PDSS2: variants seen among roughly 807,000 people sequenced by gnomAD.
PDSS2 encodes the protein decaprenyl diphosphate synthase subunit 2.
In PDSS2, 31 loss-of-function variants were observed where a neutral mutation model predicts 44.5. That is an observed-to-expected ratio of 0.70 (90% CI 0.52 to 0.94). The LOEUF is 0.94. Among genes scored for constraint, PDSS2 ranks in the 40% least tolerant of loss-of-function variants. The probability of loss-of-function intolerance (pLI) is 0.00; values close to 1 mark genes in which losing one functional copy is unlikely to be tolerated. For missense variants in PDSS2, 452 were observed against 482.2 expected, an observed-to-expected ratio of 0.94 and a Z score of 0.59; for synonymous variants, 157 against 180.3, an observed-to-expected ratio of 0.87 and a Z score of 1.03.
intron 1 of PDSS2, among the ~76,000 whole-genome samples, chr6:107,422,126 C>A (rs1780846241): frequency 6.7e-6 from 1 of 148,348 alleles, no homozygotes; most frequent in South Asian, 2.1e-4. Flanking sequence ...ACAAAAAGAC[C>A]CTTAATATAT....
At chr6:107,424,030 T>C (rs949562444) in intron 1 of PDSS2, among the ~76,000 whole-genome samples, 9 of 121,514 alleles carry the variant, frequency 7.4e-5, no homozygotes, top group African/African-American at 2.4e-4. Flanking sequence ...TATTTTTATC[T>C]TGCATCTTTT....
At chr6:107,444,567 T>G (rs1781608138) in intron 1 of PDSS2, among the ~76,000 whole-genome samples, 1 of 152,232 alleles carries the variant, frequency 6.6e-6, no homozygotes, top group African/African-American at 2.4e-5. Flanking sequence ...ATTTGTGGAA[T>G]GAATTAAAAT....
At chr6:107,402,266 A>G (rs555756765) in intron 1 of PDSS2, among the ~76,000 whole-genome samples, 3 of 150,890 alleles carry the variant, frequency 2.0e-5, no homozygotes, top group African/African-American at 4.9e-5. Context: ...GTGACAGAGC[A>G]AGACTCAGTC....
intron 7 of PDSS2, among the ~76,000 whole-genome samples, chr6:107,161,034 G>A (rs1298521774): frequency 6.6e-6 from 1 of 151,648 alleles, no homozygotes; most frequent in Admixed American, 6.6e-5. Flanking sequence ...CACTGCGCAT[G>A]GCCAATTTTT....
chr6:107,158,268 C>T (rs953951513), intron 7 of PDSS2, among the ~76,000 whole-genome samples: 2 of 151,360 alleles, frequency 1.3e-5, no homozygotes, highest in Non-Finnish European at 2.9e-5. Flanking sequence ...TCACTGCAAC[C>T]TCCACCTCTC....
At chr6:107,310,447 C>T (rs1283314215) in intron 2 of PDSS2, among the ~76,000 whole-genome samples, 2 of 152,094 alleles carry the variant, frequency 1.3e-5, no homozygotes, top group Non-Finnish European at 2.9e-5. Flanking sequence ...CTTCTGAGGG[C>T]AGCTCTGAGA....
chr6:107,262,519 C>G (rs1775273446), intron 3 of PDSS2, among the ~76,000 whole-genome samples: 1 of 151,998 alleles, frequency 6.6e-6, no homozygotes. Context: ...CACCTGTAAT[C>G]CCAGCATTTT....
Position 107,459,438 on chromosome 6 carries a change from G to C in PDSS2, c.-153C>G. 1 of 644,636 alleles carries C rather than the reference G, an allele frequency of 1.6e-6. No homozygotes were observed. Among genetic ancestry groups the C allele is most frequent in the Admixed American group, 2.6e-5 (1 of 38,074 alleles). 39.9% of individuals were successfully genotyped at this position (644,636 alleles called of 1,614,324 possible). On this transcript the variant is annotated 5_prime_UTR_variant, in exon 1 of 8. Coordinates refer to ENST00000369037, the MANE Select transcript of PDSS2 (RefSeq NM_020381.4). The surrounding 1 kb of genome is among the most constrained non-coding windows in gnomAD (Gnocchi z 4.3). Reference sequence around the variant, plus strand: ...GCTTCCTGGAGCAGTGACCAGAAACGAACTTTAACTGCTGCTTTCTGCAGC... The same window carrying C: ...GCTTCCTGGAGCAGTGACCAGAAACCAACTTTAACTGCTGCTTTCTGCAGC...
intron 2 of PDSS2, among the ~76,000 whole-genome samples, chr6:107,286,512 AAAAATAAT>A (rs1250715362): frequency 6.6e-6 from 1 of 152,032 alleles, no homozygotes; most frequent in African/African-American, 2.4e-5. Context: ...TCCATCTCAA[AAAAATAAT>A]AAAATAATAA....
At chr6:107,368,027 T>C (rs1779013918) in intron 1 of PDSS2, among the ~76,000 whole-genome samples, 1 of 152,056 alleles carries the variant, frequency 6.6e-6, no homozygotes, top group African/African-American at 2.4e-5. Context: ...TCCCAGCACT[T>C]TGGGAGGTCA....
chr6:107,212,201 T>A lies in PDSS2; in HGVS notation c.784A>T (p.Ser262Cys). 6.2e-7 allele frequency: 1 copy of A among 1,613,952 alleles called. No individual in the cohort carries two copies. The highest frequency in any genetic ancestry group is 1.1e-5 in the South Asian group (1 of 91,076). Reference protein sequence around the residue: ...FLSHGALLAKSCQAAMELAKH... With the variant: ...FLSHGALLAKCCQAAMELAKH... ...GCTAATTCCATTGCAGCTTGGCAGCTCTTTGCTAGTAAGGCACCATGGGAG... is the reference window on the plus strand; with the variant it reads ...GCTAATTCCATTGCAGCTTGGCAGCACTTTGCTAGTAAGGCACCATGGGAG... The change falls in exon 5 of 8, where the codon AGC (serine) becomes TGC (cysteine). Residue 262 changes from serine (S) to cysteine (C), a missense_variant. By Grantham distance (112) the Ser-to-Cys change is moderately radical (BLOSUM62 -1). Coordinates refer to ENST00000369037, the MANE Select transcript of PDSS2 (RefSeq NM_020381.4).
intron 7 of PDSS2, among the ~76,000 whole-genome samples, chr6:107,182,473 C>G (rs982291586): frequency 6.6e-6 from 1 of 152,062 alleles, no homozygotes; most frequent in African/African-American, 2.4e-5. Context: ...TATAGGTACC[C>G]GCCACCACAC....
intron 1 of PDSS2, among the ~76,000 whole-genome samples, chr6:107,448,571 C>T (rs1781764638): frequency 6.6e-6 from 1 of 152,204 alleles, no homozygotes; most frequent in African/African-American, 2.4e-5. Flanking sequence ...TTTGTCAAAG[C>T]CATTCAACAA....
At chr6:107,402,792 T>C (rs1261028919) in intron 1 of PDSS2, among the ~76,000 whole-genome samples, 2 of 151,918 alleles carry the variant, frequency 1.3e-5, no homozygotes, top group African/African-American at 4.8e-5. Flanking sequence ...ACTCACTCAC[T>C]ATCACGAGAA....
chr6:107,277,667 A>G (rs2114961533), intron 2 of PDSS2, among the ~76,000 whole-genome samples: 1 of 152,198 alleles, frequency 6.6e-6, no homozygotes, highest in South Asian at 2.1e-4. Context: ...ATATAGAATA[A>G]TCAGGCCAGG....
chr6:107,349,341 G>A (rs1274151073), intron 1 of PDSS2, among the ~76,000 whole-genome samples: 2 of 152,088 alleles, frequency 1.3e-5, no homozygotes, highest in South Asian at 4.2e-4. Flanking sequence ...GCTGAGGCAG[G>A]AGAATGGCGT....
At chr6:107,165,587 A>G (rs376662717) in intron 7 of PDSS2, among the ~76,000 whole-genome samples, 1 of 152,008 alleles carries the variant, frequency 6.6e-6, no homozygotes, top group Non-Finnish European at 1.5e-5. Flanking sequence ...ATAGTTTGAA[A>G]TCAGGTAGCA....
intron 6 of PDSS2, among the ~76,000 whole-genome samples, chr6:107,203,446 G>T (rs182478549): frequency 1.4e-4 from 21 of 151,990 alleles, no homozygotes; most frequent in Non-Finnish European, 2.9e-4. Flanking sequence ...GCTTATCAAT[G>T]GGTTTCCAAA....
intron 1 of PDSS2, among the ~76,000 whole-genome samples, chr6:107,421,551 C>CATT (rs1311298058): frequency 6.6e-6 from 1 of 152,014 alleles, no homozygotes; most frequent in African/African-American, 2.4e-5. Flanking sequence ...ATCACAAGGA[C>CATT]ATTACGCTGA....
Sources: gnomAD v4.1 joint callset for allele counts (sites outside exome capture counted in the v4.1 genomes callset) on GRCh38, gnomAD v4.1.1 for gene constraint, Gnocchi (gnomAD v3.1) non-coding constraint, MANE v1.5 for transcripts, NCBI Gene and HGNC (gene_info 2026-07-23, HGNC 2026-07-21) for gene names.